The following FGD6 variants were observed in gnomAD, a reference collection of about 807,000 sequenced individuals.
The protein encoded by FGD6 is FYVE, RhoGEF and PH domain-containing protein 6.
Under a neutral mutation model 149.4 loss-of-function variants are expected in FGD6, and 90 were observed. That is an observed-to-expected ratio of 0.60 (90% CI 0.51 to 0.72). The LOEUF (loss-of-function observed/expected upper bound fraction) is 0.72. FGD6 is among the 30% of genes least tolerant of loss of function. The pLI is 0.00. For synonymous variants in FGD6, 527 were observed against 584.0 expected (o/e 0.90, Z 1.41); for missense variants, 1,437 against 1,684.8 (o/e 0.85, Z 2.57).
At position 95,173,716 on chromosome 12, in the gene FGD6, T is replaced by C. The variant is rs993902546; in HGVS notation, c.2442-972A>G. On this transcript the variant is annotated intron_variant, in intron 2 of 20. Coordinates refer to ENST00000343958, the MANE Select transcript of FGD6 (RefSeq NM_018351.4). ...TAAGTCTACAAGAATATCTGCAGAA[T>C]AGAAGAGTATAGGTGGGGTCAGTAA... Among the ~76,000 whole-genome samples, 8 of 152,078 alleles carry C rather than the reference T, an allele frequency of 5.3e-5. No homozygotes were observed. The East Asian group carries it at 1.2e-3, about 22-fold the overall frequency.
chr12:95,123,143 C>T (rs1471010859), intron 8 of FGD6, among the ~76,000 whole-genome samples: 2 of 151,818 alleles, frequency 1.3e-5, no homozygotes, highest in Non-Finnish European at 2.9e-5. Context: ...ACCCCCTCCT[C>T]ACCAGGGCAC....
At chr12:95,152,904 G>A in intron 4 of FGD6, 22 bp downstream of exon 4, 1 of 1,613,640 alleles carries the variant, frequency 6.2e-7, no homozygotes, top group South Asian at 1.1e-5. Context: ...ACAGTCTTCT[G>A]AATTGTAAAC....
intron 3 of FGD6, among the ~76,000 whole-genome samples, chr12:95,158,361 G>A (rs142928537): frequency 6.7e-6 from 1 of 149,168 alleles, no homozygotes; most frequent in African/African-American, 2.5e-5. Flanking sequence ...ATTTTTAGTA[G>A]AGACGGGGTT....
At chr12:95,173,819 C>T (rs1414237024) in intron 2 of FGD6, among the ~76,000 whole-genome samples, 2 of 152,060 alleles carry the variant, frequency 1.3e-5, no homozygotes, top group African/African-American at 2.4e-5. Context: ...GCTCTTTCAG[C>T]AGGTCACAGG....
At chr12:95,083,934 A>G (rs951264767) in intron 20 of FGD6, among the ~76,000 whole-genome samples, 1 of 152,248 alleles carries the variant, frequency 6.6e-6, no homozygotes, top group African/African-American at 2.4e-5. Flanking sequence ...AACTGATAAC[A>G]TCTAAGTAAA....
At chr12:95,134,646 T>C (rs1441997374) in intron 8 of FGD6, 93 bp downstream of exon 8, 11 of 1,082,890 alleles carry the variant, frequency 1.0e-5, no homozygotes, top group Non-Finnish European at 1.5e-5. Flanking sequence ...GGGGGTGATA[T>C]ACAAAGAGAG....
At position 95,078,272 on chromosome 12, in the gene FGD6, A is replaced by G. The variant is rs1258060426; in HGVS notation, c.*3248T>C. The stretch of plus-strand genomic sequence containing the variant: ...AGTGTGTGGTACACTAAGAAAAACA[A>G]TATGTATCTCTGGAAATCCCATTGA... On this transcript the variant is annotated 3_prime_UTR_variant, in exon 21 of 21. Coordinates refer to ENST00000343958, the MANE Select transcript of FGD6 (RefSeq NM_018351.4). The G allele has an allele frequency of 6.6e-6, 1 of 152,240 alleles. No individual in the cohort carries two copies. The highest frequency in any genetic ancestry group is 2.4e-5 in the African/African-American group (1 of 41,454). 9.4% of individuals were successfully genotyped at this position (152,240 alleles called of 1,614,324 possible).
At position 95,078,295 on chromosome 12, in the gene FGD6, T is replaced by G. The variant is rs928849742; in HGVS notation, c.*3225A>C. On this transcript the variant is annotated 3_prime_UTR_variant, in exon 21 of 21. Coordinates refer to ENST00000343958, the MANE Select transcript of FGD6 (RefSeq NM_018351.4). The stretch of plus-strand genomic sequence containing the variant: ...CAATATGTATCTCTGGAAATCCCAT[T>G]GACTACATTTGACTAAAGTGGATTT... 6.6e-6 allele frequency: 1 copy of G among 152,248 alleles called. No individual in the cohort carries two copies. The allele number at this position is 152,248 out of a possible 1,614,324, so 9.4% of individuals were successfully genotyped here.
chr12:95,144,881 G>C (rs112817027), intron 5 of FGD6, among the ~76,000 whole-genome samples: 14,478 of 151,110 alleles, frequency 0.096, 942 homozygotes, highest in African/African-American at 0.18. Context: ...TAGATACGGG[G>C]ATTTCACCAT....
At chr12:95,098,867 A>AT (rs63204961) in intron 14 of FGD6, among the ~76,000 whole-genome samples, 32,152 of 126,388 alleles carry the variant, frequency 0.25, 4,655 homozygotes, top group Non-Finnish European at 0.27. Context: ...GGCCCTTTTA[A>AT]TTTTTTTTTT....
chr12:95,180,190 G>A (rs1011948183), intron 2 of FGD6, among the ~76,000 whole-genome samples: 49 of 152,010 alleles, frequency 3.2e-4, no homozygotes, highest in African/African-American at 1.1e-3. Context: ...TATTTGTGTA[G>A]AGAAGCAAAA....
chr12:95,182,099 C>T (rs1328064852), intron 2 of FGD6, among the ~76,000 whole-genome samples: 1 of 151,992 alleles, frequency 6.6e-6, no homozygotes, highest in Non-Finnish European at 1.5e-5. Context: ...AATATACTGT[C>T]TGTTCCTACT....
intron 1 of FGD6, among the ~76,000 whole-genome samples, chr12:95,215,126 G>A (rs1253806806): frequency 6.6e-6 from 1 of 152,088 alleles, no homozygotes; most frequent in Non-Finnish European, 1.5e-5. Context: ...CTCCCAAAGT[G>A]ATGGAATTAC....
intron 2 of FGD6, among the ~76,000 whole-genome samples, chr12:95,201,638 G>C (rs951375520): frequency 6.6e-6 from 1 of 152,050 alleles, no homozygotes; most frequent in Non-Finnish European, 1.5e-5. Context: ...GGAGAACATA[G>C]TGGGCCCTCC....
rs548833356 is a variant in FGD6, at chr12:95,143,904, C to T, written c.2686-2365G>A. Among the ~76,000 whole-genome samples, 8 of 152,304 alleles carry T rather than the reference C, an allele frequency of 5.3e-5. No individual in the cohort carries two copies. The South Asian group carries it at 1.7e-3, about 32-fold the overall frequency. The stretch of plus-strand genomic sequence containing the variant: ...GCTCAGCAAAGCAATAAGCGCCACC[C>T]TTTCTTCTGGTGGAGTAAGTAATGG... On this transcript the variant is annotated intron_variant, in intron 5 of 20. Transcript: ENST00000343958.
intron 5 of FGD6, among the ~76,000 whole-genome samples, chr12:95,150,172 C>T (rs1266111896): frequency 6.6e-6 from 1 of 151,720 alleles, no homozygotes; most frequent in Non-Finnish European, 1.5e-5. Flanking sequence ...GGATTACAGA[C>T]ATGTGCCACC....
At chr12:95,150,861 G>A (rs1479847080) in intron 5 of FGD6, among the ~76,000 whole-genome samples, 2 of 152,102 alleles carry the variant, frequency 1.3e-5, no homozygotes, top group Non-Finnish European at 2.9e-5. Context: ...AGAACTTTGG[G>A]AGGCTGAGGT....
chr12:95,104,828 G>A (rs1017098956), intron 14 of FGD6, among the ~76,000 whole-genome samples, 179 bp downstream of exon 14: 1 of 151,868 alleles, frequency 6.6e-6, no homozygotes, highest in Non-Finnish European at 1.5e-5. Flanking sequence ...TGGGAGAACT[G>A]CTTGGGCCAT....
Position 95,105,091 on chromosome 12 carries a change from A to T in FGD6, c.3418-5T>A, listed in dbSNP as rs1170285446. The T allele has an allele frequency of 6.2e-7, 1 of 1,604,914 alleles. No individual in the cohort carries two copies. Among genetic ancestry groups the T allele is most frequent in the Non-Finnish European group, 8.5e-7 (1 of 1,177,450 alleles). ...TTCTTGGGTAGGTTTTCTGACCTGG[A>T]AGAAAGCACAACAATTTGAGCCGAC... On this transcript the variant is annotated splice_polypyrimidine_tract_variant and splice_region_variant and intron_variant, in intron 13 of 20. Transcript: ENST00000343958.
Sources: gnomAD v4.1 joint callset for allele counts (sites outside exome capture counted in the v4.1 genomes callset) on GRCh38, gnomAD v4.1.1 for gene constraint, MANE v1.5 for transcripts, NCBI Gene and HGNC (gene_info 2026-07-23, HGNC 2026-07-21) for gene names.